The following LRRC49 variants were observed in gnomAD, a reference collection of about 807,000 sequenced individuals.
The protein encoded by LRRC49 is leucine-rich repeat-containing protein 49.
A neutral mutation model predicts 83.3 loss-of-function variants in LRRC49; 50 were observed. The observed-to-expected ratio is 0.60, with a 90% CI of 0.48 to 0.76. The LOEUF is 0.76. Among genes scored for constraint, LRRC49 ranks in the 30% least tolerant of loss-of-function variants. LRRC49 has a pLI of 0.00. For missense variants in LRRC49, 704 were observed against 809.1 expected, an observed-to-expected ratio of 0.87 and a Z score of 1.58; for synonymous variants, 286 against 283.3, an observed-to-expected ratio of 1.01 and a Z score of -0.10.
chr15:71,016,093 A>G (rs1316441486), intron 14 of LRRC49, among the ~76,000 whole-genome samples: 1 of 152,188 alleles, frequency 6.6e-6, no homozygotes, highest in Non-Finnish European at 1.5e-5. Flanking sequence ...TGATTTTTTC[A>G]ATATGCTTGC....
chr15:70,981,891 CTTTTTTTTTT>C (rs11339326), intron 10 of LRRC49, among the ~76,000 whole-genome samples: 1 of 112,080 alleles, frequency 8.9e-6, no homozygotes, highest in African/African-American at 3.2e-5. Context: ...TTTGCTTCTT[CTTTTTTTTTT>C]TTTTTTTTTT....
chr15:70,854,152 G>C lies in LRRC49; in HGVS notation c.-299+683G>C, dbSNP rs1036135746. ...GCAAGGCCCAGCCAGCCGGTCGGCA[G>C]CGACTGCGACGAGGGGGCGGGGGCG... On this transcript the variant is annotated intron_variant, in intron 1 of 16. Transcript: ENST00000544974. 5 of 1,156,660 alleles carry C rather than the reference G, an allele frequency of 4.3e-6. No homozygotes were observed. In the Admixed American group the frequency reaches 1.8e-4, roughly 41 times the overall value. 71.6% of individuals were successfully genotyped at this position (1,156,660 alleles called of 1,614,324 possible).
At chr15:70,905,681 G>A (rs1333421885) in intron 5 of LRRC49, among the ~76,000 whole-genome samples, 1 of 152,158 alleles carries the variant, frequency 6.6e-6, no homozygotes, top group East Asian at 1.9e-4. Flanking sequence ...CAAGTGGACA[G>A]TATGATTGGA....
intron 8 of LRRC49, among the ~76,000 whole-genome samples, chr15:70,939,853 T>TTG (rs1286505637): frequency 6.6e-6 from 1 of 151,038 alleles, no homozygotes; most frequent in African/African-American, 2.4e-5. Flanking sequence ...CTAGGTTTTT[T>TTG]TTTTTTTTTT....
At chr15:70,977,824 C>T (rs1427273523) in intron 9 of LRRC49, among the ~76,000 whole-genome samples, 1 of 151,846 alleles carries the variant, frequency 6.6e-6, no homozygotes, top group African/African-American at 2.4e-5. Context: ...AATTTAAATA[C>T]ATCTTTATTA....
At chr15:70,932,009 T>C (rs1203875788) in intron 7 of LRRC49, among the ~76,000 whole-genome samples, 2 of 152,226 alleles carry the variant, frequency 1.3e-5, no homozygotes, top group African/African-American at 4.8e-5. Flanking sequence ...TCCTAGATTA[T>C]AAAGACTGGA....
chr15:70,971,883 T>A (rs962866622), intron 9 of LRRC49, among the ~76,000 whole-genome samples: 4 of 151,252 alleles, frequency 2.6e-5, no homozygotes, highest in Non-Finnish European at 4.4e-5. Context: ...TGTCTTTGCA[T>A]GTGAGATGGG....
intron 7 of LRRC49, among the ~76,000 whole-genome samples, chr15:70,929,972 C>G (rs1465212034): frequency 6.6e-6 from 1 of 152,150 alleles, no homozygotes; most frequent in East Asian, 1.9e-4. Context: ...CCCTCAAAGT[C>G]ATCCATGAGG....
At chr15:70,973,972 C>T (rs1039047299) in intron 9 of LRRC49, among the ~76,000 whole-genome samples, 2 of 151,722 alleles carry the variant, frequency 1.3e-5, no homozygotes, top group Non-Finnish European at 2.9e-5. Flanking sequence ...ACTAAAAATA[C>T]AAAAATTAGC....
intron 7 of LRRC49, among the ~76,000 whole-genome samples, chr15:70,927,913 G>A (rs2035266536): frequency 6.6e-6 from 1 of 152,112 alleles, no homozygotes; most frequent in South Asian, 2.1e-4. Flanking sequence ...CTCCTACAGT[G>A]TCAGAGTTTA....
chr15:70,981,400 C>T (rs1193186806), intron 10 of LRRC49, among the ~76,000 whole-genome samples: 1 of 151,118 alleles, frequency 6.6e-6, no homozygotes, highest in African/African-American at 2.4e-5. Context: ...ATGTAGATGA[C>T]GGGTTGATGG....
intron 15 of LRRC49, among the ~76,000 whole-genome samples, chr15:71,039,729 A>G (rs1802115209): frequency 6.6e-6 from 1 of 152,236 alleles, no homozygotes; most frequent in Admixed American, 6.5e-5. Context: ...ACGGATATGG[A>G]GGGCCAACTG....
At chr15:70,945,207 C>T (rs1056882987) in intron 8 of LRRC49, among the ~76,000 whole-genome samples, 1 of 152,210 alleles carries the variant, frequency 6.6e-6, no homozygotes, top group African/African-American at 2.4e-5. Flanking sequence ...TCTAGCTCCA[C>T]TTCCCTATGC....
chr15:70,869,685 G>C (rs2032988009), intron 1 of LRRC49, among the ~76,000 whole-genome samples: 1 of 152,124 alleles, frequency 6.6e-6, no homozygotes, highest in African/African-American at 2.4e-5. Flanking sequence ...ACCCACACAG[G>C]CACAAATCCT....
At chr15:70,961,296 G>T (rs2036593969) in intron 8 of LRRC49, among the ~76,000 whole-genome samples, 1 of 152,188 alleles carries the variant, frequency 6.6e-6, no homozygotes, top group African/African-American at 2.4e-5. Context: ...GAGCTGTTAA[G>T]ATTGCAAGAT....
chr15:70,853,928 C>A, intron 1 of LRRC49: 1 of 1,414,474 alleles, frequency 7.1e-7, no homozygotes, highest in Non-Finnish European at 9.3e-7. Context: ...CGCGCTGCCC[C>A]AGCCGGGGCT....
At chr15:70,964,071 A>G (rs1325102537) in intron 9 of LRRC49, 139 bp downstream of exon 9, 6 of 729,540 alleles carry the variant, frequency 8.2e-6, no homozygotes, top group East Asian at 3.2e-5. Flanking sequence ...CATAATTGCA[A>G]TTATGTAGTT....
chr15:70,963,761 C>G lies in LRRC49; in HGVS notation c.774-24C>G, dbSNP rs1362070576. On this transcript the variant is annotated intron_variant, in intron 8 of 15. Transcript: ENST00000260382. ...ATTATCTTAAGGCCTCAGAATAATC[C>G]AGTGGTTTCTGTCTCTCCTGCAGTT... 4 of 1,606,376 alleles carry G rather than the reference C, an allele frequency of 2.5e-6. No individual in the cohort carries two copies. In the Admixed American group the frequency reaches 6.7e-5, roughly 27 times the overall value.
chr15:71,038,343 C>T (rs1025568140), intron 15 of LRRC49, among the ~76,000 whole-genome samples: 6 of 151,994 alleles, frequency 3.9e-5, no homozygotes, highest in Admixed American at 1.3e-4. Context: ...CAGTTTTGGA[C>T]CTCTTTATTC....
Sources: gnomAD v4.1 joint callset for allele counts (sites outside exome capture counted in the v4.1 genomes callset) on GRCh38, gnomAD v4.1.1 for gene constraint, MANE v1.5 for transcripts, NCBI Gene and HGNC (gene_info 2026-07-23, HGNC 2026-07-21) for gene names.